MARCHF3: variants seen among roughly 807,000 people sequenced by gnomAD.
MARCHF3 encodes the protein membrane associated ring-CH-type finger 3, also known as E3 ubiquitin-protein ligase MARCHF3.
Under a neutral mutation model 24.2 loss-of-function variants are expected in MARCHF3, and 13 were observed. The ratio of observed to expected loss-of-function variants is 0.54; its 90% CI spans 0.35 to 0.85. The LOEUF (loss-of-function observed/expected upper bound fraction) is 0.85, where lower values mean the gene tolerates loss of function less well. MARCHF3 is among the 40% of genes least tolerant of loss of function. The pLI, the probability that MARCHF3 is intolerant of heterozygous loss-of-function variation, is 0.01. For missense variants in MARCHF3, 276 were observed against 325.0 expected (o/e 0.85, Z 1.16); for synonymous variants, 144 against 137.3 (o/e 1.05, Z -0.34).
chr5:126,921,245 G>T (rs1324933976), intron 1 of MARCHF3, among the ~76,000 whole-genome samples: 1 of 152,120 alleles, frequency 6.6e-6, no homozygotes, highest in Non-Finnish European at 1.5e-5. Context: ...GGCTAAGAGG[G>T]ATTACACAAA....
chr5:126,977,522 A>T (rs987475339), intron 1 of MARCHF3, among the ~76,000 whole-genome samples: 1 of 152,220 alleles, frequency 6.6e-6, no homozygotes, highest in Non-Finnish European at 1.5e-5. Flanking sequence ...AAACATAAAA[A>T]TGGGGTTTTA....
At chr5:126,980,833 AT>A (rs1050560300) in intron 1 of MARCHF3, among the ~76,000 whole-genome samples, 1 of 152,202 alleles carries the variant, frequency 6.6e-6, no homozygotes, top group Non-Finnish European at 1.5e-5. Context: ...TAAGATTAGT[AT>A]TTTAAGTTTT....
chr5:126,975,694 T>A (rs1160683735), intron 1 of MARCHF3, among the ~76,000 whole-genome samples: 1 of 152,194 alleles, frequency 6.6e-6, no homozygotes, highest in East Asian at 1.9e-4. Flanking sequence ...GCAGAGTCTG[T>A]TGGCAACCCA....
intron 1 of MARCHF3, among the ~76,000 whole-genome samples, chr5:126,928,484 A>C (rs536529811): frequency 6.6e-6 from 1 of 152,124 alleles, no homozygotes; most frequent in African/African-American, 2.4e-5. Flanking sequence ...TGTCAAAAAA[A>C]TTTTTTTTAA....
At chr5:126,935,626 T>C (rs1022995054) in intron 1 of MARCHF3, among the ~76,000 whole-genome samples, 86 of 134,328 alleles carry the variant, frequency 6.4e-4, no homozygotes, top group Non-Finnish European at 1.0e-3. Context: ...TTTTTTTTTT[T>C]TGAGACGGAG....
intron 3 of MARCHF3, among the ~76,000 whole-genome samples, chr5:126,911,357 A>G (rs962167468): frequency 2.0e-5 from 3 of 152,132 alleles, no homozygotes; most frequent in Non-Finnish European, 2.9e-5. Flanking sequence ...ACCTGCCGAC[A>G]TGTGATGTCT....
At chr5:126,889,881 T>A (rs954046854) in intron 3 of MARCHF3, among the ~76,000 whole-genome samples, 1 of 152,188 alleles carries the variant, frequency 6.6e-6, no homozygotes, top group African/African-American at 2.4e-5. Flanking sequence ...CCACCACCAT[T>A]TAAGTAATTT....
At chr5:126,895,819 C>T (rs377420861) in intron 3 of MARCHF3, among the ~76,000 whole-genome samples, 3,110 of 152,240 alleles carry the variant, frequency 0.02, 80 homozygotes, top group South Asian at 0.12. Context: ...GCAGGCCTCC[C>T]TGAGCTGTGG....
chr5:127,015,928 T>TA (rs1212185793), intron 1 of MARCHF3, among the ~76,000 whole-genome samples: 2 of 152,182 alleles, frequency 1.3e-5, no homozygotes, highest in African/African-American at 2.4e-5. Context: ...GCAGCACGTC[T>TA]ATGCTGTCTA....
intron 1 of MARCHF3, among the ~76,000 whole-genome samples, chr5:126,926,129 A>C (rs1260232933): frequency 6.6e-6 from 1 of 152,226 alleles, no homozygotes; most frequent in Non-Finnish European, 1.5e-5. Flanking sequence ...TTTCCTCTGC[A>C]TAAGCAAACC....
chr5:127,022,163 T>A (rs1337716942), intron 1 of MARCHF3, among the ~76,000 whole-genome samples: 1 of 152,196 alleles, frequency 6.6e-6, no homozygotes, highest in Non-Finnish European at 1.5e-5. Flanking sequence ...GCAATGTTGG[T>A]GAGAACTAAG....
intron 3 of MARCHF3, among the ~76,000 whole-genome samples, chr5:126,897,154 C>T (rs57031083): frequency 0.02 from 3,065 of 151,036 alleles, 77 homozygotes; most frequent in South Asian, 0.11. Context: ...ATTCTCCTGT[C>T]TCAGCCTCCC....
chr5:126,926,649 G>C (rs1749306159), intron 1 of MARCHF3, among the ~76,000 whole-genome samples: 1 of 152,034 alleles, frequency 6.6e-6, no homozygotes, highest in African/African-American at 2.4e-5. Context: ...TGAGTAAGGA[G>C]CTGTCTGGGA....
At chr5:127,024,794 C>G (rs992228151) in intron 1 of MARCHF3, among the ~76,000 whole-genome samples, 2 of 152,048 alleles carry the variant, frequency 1.3e-5, no homozygotes, top group African/African-American at 4.8e-5. Context: ...ATAATTTTCC[C>G]AATTATGAGT....
At chr5:126,920,279 C>T (rs1278378836) in intron 1 of MARCHF3, among the ~76,000 whole-genome samples, 1 of 151,846 alleles carries the variant, frequency 6.6e-6, no homozygotes, top group African/African-American at 2.4e-5. Flanking sequence ...GCTTTCAGAC[C>T]GAAAAACAAA....
chr5:126,893,982 G>C (rs1172048988), intron 3 of MARCHF3, among the ~76,000 whole-genome samples: 1 of 128,688 alleles, frequency 7.8e-6, no homozygotes, highest in Non-Finnish European at 1.6e-5. Context: ...TCCTGTATTG[G>C]GTGCATATAT....
In MARCHF3 at chr5:126,894,901, G is replaced by C. The variant is rs1248291165; in HGVS notation, c.394-16507C>G. The stretch of plus-strand genomic sequence containing the variant: ...GTTCTCCTGGATAATATCCTGCAGA[G>C]TGTTTTCCAACTTGGTTCCATTCTC... On this transcript the variant is annotated intron_variant, in intron 3 of 4. Transcript: ENST00000308660. Among the ~76,000 whole-genome samples, 5 of 152,018 alleles carry C rather than the reference G, an allele frequency of 3.3e-5. No homozygotes were observed. In the South Asian group the frequency reaches 8.3e-4, roughly 25 times the overall value.
intron 1 of MARCHF3, among the ~76,000 whole-genome samples, chr5:127,008,243 TA>T (rs1752369335): frequency 6.6e-6 from 1 of 152,300 alleles, no homozygotes; most frequent in Admixed American, 6.5e-5. Context: ...AATGAAAAAT[TA>T]ATGAATGTTA....
chr5:126,948,034 G>T (rs945548621), intron 1 of MARCHF3, among the ~76,000 whole-genome samples: 3 of 152,006 alleles, frequency 2.0e-5, no homozygotes, highest in Admixed American at 2.0e-4. Context: ...TCTTTTGTTG[G>T]AAGGAAAAGG....
Sources: gnomAD v4.1 joint callset for allele counts (sites outside exome capture counted in the v4.1 genomes callset) on GRCh38, gnomAD v4.1.1 for gene constraint, MANE v1.5 for transcripts, NCBI Gene and HGNC (gene_info 2026-07-23, HGNC 2026-07-21) for gene names.